The following WDR41 variants were observed in gnomAD, a reference collection of about 807,000 sequenced individuals.
WDR41 encodes WD repeat-containing protein 41.
In WDR41, 63 loss-of-function variants were observed where a neutral mutation model predicts 69.3. That is an observed-to-expected ratio of 0.91 (90% CI 0.74 to 1.12). WDR41 has a LOEUF of 1.12. Ranked by LOEUF, WDR41 falls within the 50% of genes most tolerant of loss-of-function variation. The pLI, the probability that WDR41 is intolerant of heterozygous loss-of-function variation, is 0.00. For synonymous variants in WDR41, 185 were observed against 192.1 expected, an observed-to-expected ratio of 0.96 and a Z score of 0.31; for missense variants, 543 against 534.5, an observed-to-expected ratio of 1.02 and a Z score of -0.16.
Position 77,543,684 on chromosome 5 carries a change from C to T in WDR41, c.43-54112G>A, listed in dbSNP as rs181197726. Among the ~76,000 whole-genome samples, 8 of 152,168 alleles carry T rather than the reference C, an allele frequency of 5.3e-5. No individual in the cohort carries two copies. The South Asian group carries it at 6.2e-4, about 12-fold the overall frequency. ...ATAAACGACCAAAGCAAAGAATTAT[C>T]GGTGTTCCTGAGGAAGAAGAGAATT... On this transcript the variant is annotated intron_variant, in intron 1 of 5. Coordinates refer to the WDR41 transcript ENST00000509971.
At chr5:77,554,916 C>T (rs1026396132) in intron 1 of WDR41, among the ~76,000 whole-genome samples, 2 of 151,652 alleles carry the variant, frequency 1.3e-5, no homozygotes, top group African/African-American at 4.8e-5. Context: ...CCCAGGAATT[C>T]GAGACCAACC....
intron 8 of WDR41, among the ~76,000 whole-genome samples, chr5:77,443,617 T>C (rs1799260091): frequency 6.6e-6 from 1 of 152,180 alleles, no homozygotes; most frequent in Non-Finnish European, 1.5e-5. Flanking sequence ...CAGGACCTTC[T>C]TTCCCACACC....
chr5:77,566,194 G>A (rs1350697764), intron 1 of WDR41, among the ~76,000 whole-genome samples: 3 of 152,192 alleles, frequency 2.0e-5, no homozygotes, highest in Non-Finnish European at 2.9e-5. Flanking sequence ...TATTGTCTTA[G>A]CTAACACACC....
chr5:77,438,481 A>T, intron 9 of WDR41, 120 bp from the exon 10 acceptor site: 2 of 1,388,906 alleles, frequency 1.4e-6, no homozygotes, highest in Non-Finnish European at 1.9e-6. Context: ...CCTAGCCTTT[A>T]GCCCAAATTA....
At chr5:77,556,933 C>G (rs1743413647) in intron 1 of WDR41, among the ~76,000 whole-genome samples, 1 of 151,900 alleles carries the variant, frequency 6.6e-6, no homozygotes, top group African/African-American at 2.4e-5. Flanking sequence ...AGGGAGGGGG[C>G]ACCTGGGGTT....
intron 1 of WDR41, among the ~76,000 whole-genome samples, chr5:77,497,964 CAT>C (rs1260932208): frequency 6.6e-6 from 1 of 152,060 alleles, no homozygotes; most frequent in Non-Finnish European, 1.5e-5. Flanking sequence ...GCCTTGAAAA[CAT>C]ATGTTAAGTG....
chr5:77,481,180 T>C (rs1801238250), intron 2 of WDR41, among the ~76,000 whole-genome samples: 1 of 152,030 alleles, frequency 6.6e-6, no homozygotes, highest in Non-Finnish European at 1.5e-5. Context: ...TGGCTGATTT[T>C]TGTATGTTTA....
chr5:77,618,463 C>T (rs1744718096), intron 1 of WDR41, among the ~76,000 whole-genome samples: 1 of 152,060 alleles, frequency 6.6e-6, no homozygotes, highest in Admixed American at 6.5e-5. Context: ...ACCTACGCCT[C>T]CTGAGTTCAA....
intron 1 of WDR41, among the ~76,000 whole-genome samples, chr5:77,579,940 G>T (rs1743905917): frequency 6.6e-6 from 1 of 152,124 alleles, no homozygotes; most frequent in Admixed American, 6.5e-5. Context: ...GCTATATTGG[G>T]CTAAGGAAAT....
chr5:77,505,514 T>C (rs376205630), intron 1 of WDR41, among the ~76,000 whole-genome samples: 3 of 152,034 alleles, frequency 2.0e-5, no homozygotes, highest in Non-Finnish European at 4.4e-5. Context: ...CTTCACAGAA[T>C]TGGAAAAAAC....
intron 1 of WDR41, among the ~76,000 whole-genome samples, chr5:77,580,331 G>A (rs1184022373): frequency 1.3e-5 from 2 of 152,124 alleles, no homozygotes; most frequent in East Asian, 3.9e-4. Flanking sequence ...AAGAATGAGT[G>A]CTGAGAGAAA....
intron 2 of WDR41, among the ~76,000 whole-genome samples, chr5:77,471,134 G>A (rs140140997): frequency 0.025 from 3,873 of 152,174 alleles, 114 homozygotes; most frequent in South Asian, 0.13. Flanking sequence ...ACTCAAAACC[G>A]TTCAACTACA....
intron 1 of WDR41, among the ~76,000 whole-genome samples, chr5:77,561,667 A>G (rs1197643757): frequency 6.6e-6 from 1 of 152,170 alleles, no homozygotes; most frequent in Admixed American, 6.6e-5. Flanking sequence ...GATGCTAATT[A>G]TAAATTCTCA....
intron 1 of WDR41, among the ~76,000 whole-genome samples, chr5:77,510,648 A>G (rs1802183206): frequency 6.6e-6 from 1 of 152,060 alleles, no homozygotes; most frequent in Non-Finnish European, 1.5e-5. Context: ...AGAAATAGCT[A>G]CATTTTTGAG....
chr5:77,510,047 G>C (rs2112170387), intron 1 of WDR41, among the ~76,000 whole-genome samples: 1 of 152,264 alleles, frequency 6.6e-6, no homozygotes, highest in South Asian at 2.1e-4. Context: ...GTATGGAACT[G>C]AGATCACCAG....
At chr5:77,588,977 A>T (rs1436305607) in intron 1 of WDR41, among the ~76,000 whole-genome samples, 1 of 152,176 alleles carries the variant, frequency 6.6e-6, no homozygotes, top group Non-Finnish European at 1.5e-5. Context: ...TTTAAATAGC[A>T]AAATCATCAA....
At chr5:77,433,599 G>A (rs1200413294) in intron 12 of WDR41, among the ~76,000 whole-genome samples, 2 of 152,000 alleles carry the variant, frequency 1.3e-5, no homozygotes, top group East Asian at 1.9e-4. Flanking sequence ...TACTTATACT[G>A]TATAATGGCT....
upstream of WDR41, among the ~76,000 whole-genome samples, chr5:77,496,060 TC>T (rs1801928306): frequency 6.6e-6 from 1 of 151,970 alleles, no homozygotes; most frequent in Non-Finnish European, 1.5e-5. Flanking sequence ...TTTTACAAAA[TC>T]CAACACCCTT....
Position 77,489,581 on chromosome 5 carries a change from GAAAAA to G in WDR41, c.52-14_52-10del. ...GTCTGTAAAGGAGATTTCTTGTATT[GAAAAA>G]AAAAAAAAAGCAAAAAACAAAAGAC... On this transcript the variant is annotated splice_polypyrimidine_tract_variant and intron_variant, in intron 1 of 12. Transcript: ENST00000296679. The G allele has an allele frequency of 2.0e-6, 2 of 1,003,160 alleles. No homozygotes were observed. The highest frequency in any genetic ancestry group is 2.7e-6 in the Non-Finnish European group (2 of 733,534). The allele number at this position is 1,003,160 out of a possible 1,614,324, so 62.1% of individuals were successfully genotyped here. A position where few individuals can be genotyped will look rare whatever the true frequency, so the allele number is the denominator to read the frequency against.
Sources: gnomAD v4.1 joint callset for allele counts (sites outside exome capture counted in the v4.1 genomes callset) on GRCh38, gnomAD v4.1.1 for gene constraint, MANE v1.5 for transcripts, NCBI Gene and HGNC (gene_info 2026-07-23, HGNC 2026-07-21) for gene names.